Variants in MTAP observed in about 807,000 individuals in gnomAD.
MTAP encodes S-methyl-5'-thioadenosine phosphorylase.
Under a neutral mutation model 33.6 loss-of-function variants are expected in MTAP, and 33 were observed. The observed-to-expected ratio is 0.98, with a 90% CI of 0.74 to 1.31. The LOEUF is 1.31. Among genes scored for constraint, MTAP ranks in the 40% most tolerant of loss-of-function variants. The probability of loss-of-function intolerance (pLI) is 0.00; values close to 1 mark genes in which losing one functional copy is unlikely to be tolerated. For missense variants in MTAP, 367 were observed against 360.0 expected (o/e 1.02, Z -0.16); for synonymous variants, 148 against 125.7 (o/e 1.18, Z -1.19).
chr9:21,859,373 C>T lies in MTAP; in HGVS notation c.761C>T (p.Thr254Ile). 6.2e-7 allele frequency: 1 copy of T among 1,613,628 alleles called. No individual in the cohort carries two copies. The highest frequency in any genetic ancestry group is 1.7e-4 in the Middle Eastern group (1 of 6,060). ...ANKAKSLLLT[T>I]IPQIGSTEWS... ...AAAGCCAAAAGCTTACTGCTCACTA[C>T]CATACCTCAGATAGGGTCCACAGAA... The change falls in exon 7 of 8, where the codon ACC becomes ATC. Residue 254 changes from threonine (T) to isoleucine (I), a missense_variant. By Grantham distance (89) the Thr-to-Ile change is moderately conservative. Coordinates refer to ENST00000644715, the MANE Select transcript of MTAP (RefSeq NM_002451.4).
chr9:21,809,760 G>A (rs925341344), intron 1 of MTAP, among the ~76,000 whole-genome samples: 5 of 152,218 alleles, frequency 3.3e-5, no homozygotes, highest in African/African-American at 1.2e-4. Flanking sequence ...CAACTAATCA[G>A]AATCCCTGAG....
In MTAP at chr9:21,863,894, G is replaced by A. The variant is rs1219594889; in HGVS notation, c.*1880G>A. The A allele has an allele frequency of 2.0e-6, 2 of 985,708 alleles. No individual in the cohort carries two copies. Among genetic ancestry groups the A allele is most frequent in the Non-Finnish European group, 2.4e-6 (2 of 829,932 alleles). 61.1% of individuals were successfully genotyped at this position (985,708 alleles called of 1,614,324 possible). On this transcript the variant is annotated 3_prime_UTR_variant, in exon 8 of 8. Coordinates refer to ENST00000644715, the MANE Select transcript of MTAP (RefSeq NM_002451.4). ...CATTAGTGTGAGCCATTTGGGTCAAGTATGATTATGACCCTTGGACTTCCT... is the reference window on the plus strand; with the variant it reads ...CATTAGTGTGAGCCATTTGGGTCAAATATGATTATGACCCTTGGACTTCCT...
At chr9:21,838,867 C>G (rs1825174342) in intron 5 of MTAP, among the ~76,000 whole-genome samples, 5 of 152,214 alleles carry the variant, frequency 3.3e-5, no homozygotes. Flanking sequence ...TAAAATCTCC[C>G]TTATGAGTTA....
chr9:21,887,601 A>G (rs983903631), intron 1 of MTAP, among the ~76,000 whole-genome samples: 9 of 152,162 alleles, frequency 5.9e-5, no homozygotes, highest in Non-Finnish European at 1.2e-4. Flanking sequence ...TAGCAGCATG[A>G]TTTATAATCC....
chr9:21,920,855 A>G (rs1177383562), intron 1 of MTAP, among the ~76,000 whole-genome samples: 1 of 152,196 alleles, frequency 6.6e-6, no homozygotes, highest in Non-Finnish European at 1.5e-5. Context: ...TATGTTCACC[A>G]GAAATATTGG....
At position 21,802,665 on chromosome 9, in the gene MTAP, G is replaced by T; in HGVS notation, c.-84G>T. ...GCACTGCTCACTCCCGCGCAGTGAG[G>T]TTGGCACAGCCACCGCTCTGTGGCT... is the stretch of plus-strand genomic sequence containing the variant. On this transcript the variant is annotated 5_prime_UTR_variant, in exon 1 of 8. Transcript: ENST00000644715. 6.5e-7 allele frequency: 1 copy of T among 1,535,468 alleles called. No homozygotes were observed. The highest frequency in any genetic ancestry group is 9.0e-7 in the Non-Finnish European group (1 of 1,116,676).
chr9:21,882,614 A>T (rs1426914079), intron 1 of MTAP, among the ~76,000 whole-genome samples: 1 of 151,680 alleles, frequency 6.6e-6, no homozygotes, highest in African/African-American at 2.4e-5. Flanking sequence ...GGAAAATTTG[A>T]ACAACATAAT....
intron 5 of MTAP, among the ~76,000 whole-genome samples, chr9:21,840,554 A>G (rs928070668): frequency 6.6e-6 from 1 of 152,236 alleles, no homozygotes; most frequent in Non-Finnish European, 1.5e-5. Flanking sequence ...TATGTGAAAT[A>G]TGAAAGTAGA....
Position 21,816,761 on chromosome 9 carries a change from C to G in MTAP, c.168C>G (p.Val56=), listed in dbSNP as rs776898571. The change falls in exon 3 of 8, where the codon GTC becomes GTG. Residue 56 remains valine, a synonymous_variant. Coordinates refer to ENST00000644715, the MANE Select transcript of MTAP (RefSeq NM_002451.4). ...ILGKIKNVDC[V]LLARHGRQHT... is the part of the protein sequence containing the mutation. ...GGAAGATAAAAAATGTTGATTGCGT[C>G]CTCCTTGCAAGGTATGGTATTTTAA... is the stretch of plus-strand genomic sequence containing the variant. 3.1e-6 allele frequency: 5 copies of G among 1,610,970 alleles called. No individual in the cohort carries two copies. The Admixed American group carries it at 8.4e-5, about 27-fold the overall frequency.
At chr9:21,902,576 C>T (rs1818410041) in intron 1 of MTAP, among the ~76,000 whole-genome samples, 1 of 152,322 alleles carries the variant, frequency 6.6e-6, no homozygotes, top group East Asian at 1.9e-4. Context: ...CTTAGAGGGA[C>T]TTAAATTAAG....
chr9:21,882,746 T>TG (rs1169040512), intron 1 of MTAP, among the ~76,000 whole-genome samples: 2 of 150,964 alleles, frequency 1.3e-5, no homozygotes, highest in Non-Finnish European at 2.9e-5. Context: ...ATTGTCTCAA[T>TG]AAATTTTAAA....
At chr9:21,909,808 G>A (rs1329997283) in intron 1 of MTAP, among the ~76,000 whole-genome samples, 1 of 152,088 alleles carries the variant, frequency 6.6e-6, no homozygotes, top group Non-Finnish European at 1.5e-5. Context: ...ATTGTTTGAG[G>A]CAGATAATAC....
Position 21,865,120 on chromosome 9 carries a change from T to C in MTAP, c.*3106T>C. 1.0e-6 allele frequency: 1 copy of C among 982,206 alleles called. No individual in the cohort carries two copies. Among genetic ancestry groups the C allele is most frequent in the Non-Finnish European group, 1.2e-6 (1 of 827,004 alleles). The allele number at this position is 982,206 out of a possible 1,614,324, so 60.8% of individuals were successfully genotyped here. A position where few individuals can be genotyped will look rare whatever the true frequency, so the allele number is the denominator to read the frequency against. ...ACCCAAATCTCATGTTGAATTGTAGTTCCCATAATCCCCACATGTTGTGGG... is the reference window on the plus strand; with the variant it reads ...ACCCAAATCTCATGTTGAATTGTAGCTCCCATAATCCCCACATGTTGTGGG... On this transcript the variant is annotated 3_prime_UTR_variant, in exon 8 of 8. Coordinates refer to ENST00000644715, the MANE Select transcript of MTAP (RefSeq NM_002451.4).
intron 4 of MTAP, among the ~76,000 whole-genome samples, chr9:21,825,784 T>C (rs1359349120): frequency 6.6e-6 from 1 of 152,184 alleles, no homozygotes; most frequent in Non-Finnish European, 1.5e-5. Context: ...AAGGCTAGAA[T>C]GATTCATGAA....
At chr9:21,900,491 G>T (rs1477051222) in intron 1 of MTAP, among the ~76,000 whole-genome samples, 2 of 152,104 alleles carry the variant, frequency 1.3e-5, no homozygotes, top group Non-Finnish European at 2.9e-5. Flanking sequence ...AGTCAGAATG[G>T]CTACTATTAA....
Position 21,802,748 on chromosome 9 carries a change from C to T in MTAP, c.-1C>T. 6.2e-7 allele frequency: 1 copy of T among 1,613,176 alleles called. No homozygotes were observed. Among genetic ancestry groups the T allele is most frequent in the African/African-American group, 1.3e-5 (1 of 74,962 alleles). On this transcript the variant is annotated 5_prime_UTR_variant, in exon 1 of 8. Coordinates refer to ENST00000644715, the MANE Select transcript of MTAP (RefSeq NM_002451.4). ...ACTGCAGATTCCTTTCCCGTGCAGA[C>T]ATGGCCTCTGGCACCACCACCACCG...
At chr9:21,872,434 G>A (rs771488549) in intron 1 of MTAP, among the ~76,000 whole-genome samples, 2 of 152,174 alleles carry the variant, frequency 1.3e-5, no homozygotes, top group Non-Finnish European at 2.9e-5. Context: ...ATGTGTCTGT[G>A]TAGTTGGCCA....
downstream of MTAP, chr9:21,867,190 G>A (rs773251869): frequency 4.6e-5 from 7 of 152,170 alleles, no homozygotes; most frequent in Non-Finnish European, 5.9e-5. Context: ...TTGCTTTGTC[G>A]TAATGGCTAG....
intron 1 of MTAP, among the ~76,000 whole-genome samples, chr9:21,918,956 G>A (rs910171493): frequency 2.0e-5 from 3 of 152,152 alleles, no homozygotes; most frequent in Non-Finnish European, 2.9e-5. Flanking sequence ...GAATCCACTT[G>A]AAGAAAGGGA....
Sources: allele counts gnomAD v4.1 joint callset (sites outside exome capture counted in the v4.1 genomes callset), GRCh38; gene constraint gnomAD v4.1.1; transcripts MANE v1.5; gene names NCBI Gene and HGNC (gene_info 2026-07-23, HGNC 2026-07-21).